SYT16: variants seen among roughly 807,000 people sequenced by gnomAD.
SYT16 encodes the protein synaptotagmin-16.
Under a neutral mutation model 61.4 loss-of-function variants are expected in SYT16, and 42 were observed. The ratio of observed to expected loss-of-function variants is 0.68; its 90% CI spans 0.53 to 0.89. SYT16 has a LOEUF of 0.89. SYT16 is among the 40% of genes least tolerant of loss of function. The probability of loss-of-function intolerance (pLI) is 0.00; values close to 1 mark genes in which losing one functional copy is unlikely to be tolerated. For synonymous variants in SYT16, 314 were observed against 302.3 expected (o/e 1.04, Z -0.40); for missense variants, 804 against 807.3 (o/e 1.00, Z 0.05).
chr14:61,870,682 T>C (rs2047304491), intron 1 of SYT16, among the ~76,000 whole-genome samples: 1 of 152,212 alleles, frequency 6.6e-6, no homozygotes, highest in Admixed American at 6.5e-5. Flanking sequence ...GTCTAGGTTT[T>C]ATTGCAATGT....
At chr14:61,972,182 T>C (rs139889053) in intron 2 of SYT16, among the ~76,000 whole-genome samples, 120 of 152,330 alleles carry the variant, frequency 7.9e-4, no homozygotes, top group African/African-American at 2.7e-3. Flanking sequence ...CAAGTCACAG[T>C]AATGGCTGCG....
At chr14:62,069,910 TC>T in intron 4 of SYT16, 95 bp downstream of exon 4, 1 of 1,376,774 alleles carries the variant, frequency 7.3e-7, no homozygotes, top group Non-Finnish European at 1.0e-6. Context: ...CATCTGAGAG[TC>T]CAGAGAGGAA....
At chr14:61,951,631 C>G (rs2050673991) in intron 1 of SYT16, among the ~76,000 whole-genome samples, 1 of 152,052 alleles carries the variant, frequency 6.6e-6, no homozygotes, top group Non-Finnish European at 1.5e-5. Flanking sequence ...CAATCTCTCT[C>G]ATTTGTAAAA....
intron 1 of SYT16, among the ~76,000 whole-genome samples, chr14:61,891,226 G>T (rs1219652262): frequency 7.4e-6 from 1 of 135,474 alleles, no homozygotes; most frequent in Non-Finnish European, 1.5e-5. Flanking sequence ...ATGTGTGCAC[G>T]TGCATACACA....
chr14:62,092,781 A>G (rs1308835866), intron 7 of SYT16, among the ~76,000 whole-genome samples: 3 of 152,146 alleles, frequency 2.0e-5, no homozygotes, highest in Non-Finnish European at 4.4e-5. Context: ...TTTTTACAAG[A>G]TGAAAAGAGT....
chr14:61,907,610 G>T (rs1172623825), intron 1 of SYT16, among the ~76,000 whole-genome samples: 3 of 152,216 alleles, frequency 2.0e-5, no homozygotes, highest in Admixed American at 6.5e-5. Flanking sequence ...TCTCCACAGG[G>T]CTGCTCATGA....
At chr14:61,968,210 A>C (rs1001138042) in intron 1 of SYT16, among the ~76,000 whole-genome samples, 3 of 152,144 alleles carry the variant, frequency 2.0e-5, no homozygotes, top group African/African-American at 7.2e-5. Flanking sequence ...GCAGTGAGCC[A>C]GGATCGCGCC....
chr14:61,949,907 A>G (rs2050602195), intron 1 of SYT16, among the ~76,000 whole-genome samples: 1 of 152,180 alleles, frequency 6.6e-6, no homozygotes, highest in Admixed American at 6.5e-5. Context: ...TTTGTTTCAC[A>G]AGACTTTGTA....
At chr14:61,994,705 A>C (rs777395841) in intron 2 of SYT16, among the ~76,000 whole-genome samples, 25 of 152,110 alleles carry the variant, frequency 1.6e-4, no homozygotes, top group Non-Finnish European at 3.2e-4. Context: ...AATGTGGAGA[A>C]CTCAGTTCCC....
intron 3 of SYT16, among the ~76,000 whole-genome samples, chr14:62,052,979 T>C (rs1447221050): frequency 1.3e-5 from 2 of 152,240 alleles, no homozygotes; most frequent in Admixed American, 6.5e-5. Flanking sequence ...GGGGTGCTGC[T>C]GTAATAAATA....
intron 3 of SYT16, among the ~76,000 whole-genome samples, chr14:62,053,479 C>T (rs1438890742): frequency 6.6e-6 from 1 of 152,220 alleles, no homozygotes; most frequent in Non-Finnish European, 1.5e-5. Flanking sequence ...CACTTCTCAG[C>T]TCCCATGATT....
chr14:61,924,631 T>G (rs1316419926), intron 1 of SYT16, among the ~76,000 whole-genome samples: 1 of 152,198 alleles, frequency 6.6e-6, no homozygotes, highest in East Asian at 1.9e-4. Flanking sequence ...AACTTGTGCT[T>G]CTTTTTTTCT....
chr14:61,856,440 A>G (rs958865725), intron 1 of SYT16, among the ~76,000 whole-genome samples: 1 of 152,232 alleles, frequency 6.6e-6, no homozygotes, highest in Non-Finnish European at 1.5e-5. Context: ...TAATACATAC[A>G]TACTATTTTG....
chr14:61,850,132 T>C (rs755792902), intron 1 of SYT16, among the ~76,000 whole-genome samples: 1 of 151,988 alleles, frequency 6.6e-6, no homozygotes, highest in Non-Finnish European at 1.5e-5. Context: ...TTTTTTCTTT[T>C]TCTTTTTCTT....
chr14:61,841,542 T>A (rs926938186), intron 1 of SYT16, among the ~76,000 whole-genome samples: 2 of 152,196 alleles, frequency 1.3e-5, no homozygotes, highest in Non-Finnish European at 2.9e-5. Flanking sequence ...TATTTTAGAT[T>A]CAGGGGGTAT....
chr14:61,830,703 G>A (rs755003770), intron 1 of SYT16, among the ~76,000 whole-genome samples: 15 of 152,134 alleles, frequency 9.9e-5, no homozygotes, highest in Non-Finnish European at 2.2e-4. Context: ...CAGTTAGTAA[G>A]TGCAGGGTGG....
At chr14:62,003,927 G>T (rs768254430) in intron 3 of SYT16, among the ~76,000 whole-genome samples, 5 of 152,104 alleles carry the variant, frequency 3.3e-5, no homozygotes, top group Non-Finnish European at 5.9e-5. Flanking sequence ...AAGGAGAAAG[G>T]CATTCCACCT....
intron 2 of SYT16, among the ~76,000 whole-genome samples, chr14:61,979,339 G>A (rs2051956712): frequency 6.6e-6 from 1 of 152,124 alleles, no homozygotes; most frequent in Non-Finnish European, 1.5e-5. Flanking sequence ...AATATAGGCA[G>A]AGAAAGACAT....
intron 6 of SYT16, among the ~76,000 whole-genome samples, 191 bp downstream of exon 6, chr14:62,081,465 T>G (rs1012352336): frequency 1.3e-5 from 2 of 152,184 alleles, no homozygotes; most frequent in Admixed American, 6.5e-5. Context: ...GTCTTCCTGA[T>G]AACCTGATGG....
Sources: gnomAD v4.1 joint callset for allele counts (sites outside exome capture counted in the v4.1 genomes callset) on GRCh38, gnomAD v4.1.1 for gene constraint, MANE v1.5 for transcripts, NCBI Gene and HGNC (gene_info 2026-07-23, HGNC 2026-07-21) for gene names.